The following ITSN1 variants were observed in gnomAD, a reference collection of about 807,000 sequenced individuals.
ITSN1 encodes intersectin-1.
A neutral mutation model predicts 239.8 loss-of-function variants in ITSN1; 58 were observed. That is an observed-to-expected ratio of 0.24 (90% CI 0.20 to 0.30). ITSN1 has a LOEUF of 0.30. Among genes scored for constraint, ITSN1 ranks in the 10% least tolerant of loss-of-function variants. The pLI is 1.00. For synonymous variants in ITSN1, 780 were observed against 770.8 expected, an observed-to-expected ratio of 1.01 and a Z score of -0.20; for missense variants, 1,558 against 2,103.3, an observed-to-expected ratio of 0.74 and a Z score of 5.07.
chr21:33,761,937 A>G lies in ITSN1; in HGVS notation c.739A>G (p.Thr247Ala), dbSNP rs562662000. Reference protein sequence around the residue: ...SGHLTGPQARTILMQSSLPQA... With the variant: ...SGHLTGPQARAILMQSSLPQA... ...TTCCTGTTTAGGTCCCCAAGCAAGA[A>G]CTATTCTTATGCAGTCAAGTTTACC... Residue 247 changes from threonine to alanine, a missense_variant, in exon 9 of 40, where the codon ACT becomes GCT. Physicochemically the swap from Thr to Ala is moderately conservative, Grantham distance 58. Around this residue, in one of 2 missense-constraint regions of ITSN1, gnomAD observed 982 missense variants for 1,209.9 expected, o/e 0.81. Transcript: ENST00000381318. 1.2e-6 allele frequency: 2 copies of G among 1,613,612 alleles called. No individual in the cohort carries two copies. Among genetic ancestry groups the G allele is most frequent in the Non-Finnish European group, 1.7e-6 (2 of 1,179,516 alleles).
intron 10 of ITSN1, 55 bp from the exon 11 acceptor site, chr21:33,767,658 A>G (rs933640829): frequency 1.3e-5 from 13 of 977,592 alleles, no homozygotes; most frequent in African/African-American, 8.2e-5. Context: ...AACTTGTCCA[A>G]CTCCACCCAG....
rs185541889 is a variant in ITSN1 at position 33,845,386 on chromosome 21, G to A, written c.3661+8754G>A. Among the ~76,000 whole-genome samples the A allele has an allele frequency of 5.5e-3, 834 of 152,158 alleles. 11 individuals are homozygous for A. Among genetic ancestry groups the A allele is most frequent in the Non-Finnish European group, 6.1e-3 (413 of 67,992 alleles). On this transcript the variant is annotated intron_variant, in intron 29 of 39. Transcript: ENST00000381318. ...AGAAGGATGACTGAGTCTTCGACCT[G>A]GTCTCTCTGCACCCACTCTCTCCTT...
At chr21:33,776,372 C>A in intron 14 of ITSN1, among the ~76,000 whole-genome samples, 1 of 141,010 alleles carries the variant, frequency 7.1e-6, no homozygotes, top group African/African-American at 2.7e-5. Context: ...GGAAACATAG[C>A]AAGACCCCAT....
intron 5 of ITSN1, among the ~76,000 whole-genome samples, chr21:33,737,438 A>G (rs1055002684): frequency 6.6e-6 from 1 of 152,132 alleles, no homozygotes; most frequent in East Asian, 1.9e-4. Flanking sequence ...CCAGTATATG[A>G]TCTTGATCAA....
intron 29 of ITSN1, among the ~76,000 whole-genome samples, chr21:33,844,309 G>T (rs1299026260): frequency 1.3e-5 from 2 of 152,212 alleles, no homozygotes; most frequent in African/African-American, 4.8e-5. Context: ...GTCGACGGTG[G>T]GGAGGCCACC....
At chr21:33,671,624 G>A (rs2090287637) in intron 1 of ITSN1, among the ~76,000 whole-genome samples, 1 of 151,850 alleles carries the variant, frequency 6.6e-6, no homozygotes, top group Non-Finnish European at 1.5e-5. Context: ...CCAACATGGT[G>A]AAACCCCATC....
intron 16 of ITSN1, among the ~76,000 whole-genome samples, chr21:33,792,829 G>A (rs1366326393): frequency 6.6e-6 from 1 of 152,074 alleles, no homozygotes; most frequent in South Asian, 2.1e-4. Context: ...CTGCCTGGAT[G>A]TTCCCAGTGT....
chr21:33,836,041 T>C (rs1310899286), intron 28 of ITSN1, among the ~76,000 whole-genome samples: 1 of 152,098 alleles, frequency 6.6e-6, no homozygotes, highest in Non-Finnish European at 1.5e-5. Context: ...AAAGGAAAAA[T>C]GATAGTAAAG....
chr21:33,717,835 G>C (rs1031536940), intron 1 of ITSN1, among the ~76,000 whole-genome samples: 1 of 152,144 alleles, frequency 6.6e-6, no homozygotes, highest in Admixed American at 6.5e-5. Context: ...CCAAAGTTCT[G>C]GGATTACAGG....
intron 31 of ITSN1, among the ~76,000 whole-genome samples, chr21:33,864,634 A>C (rs1981245391): frequency 6.6e-6 from 1 of 152,234 alleles, no homozygotes; most frequent in Non-Finnish European, 1.5e-5. Context: ...AATCACAGAG[A>C]TACTTCAAAC....
intron 16 of ITSN1, among the ~76,000 whole-genome samples, chr21:33,788,590 G>T (rs1370112599): frequency 6.6e-6 from 1 of 152,122 alleles, no homozygotes; most frequent in Non-Finnish European, 1.5e-5. Flanking sequence ...AATTGGCTGG[G>T]TGTGGTGGCA....
chr21:33,804,490 G>T (rs931019363), intron 20 of ITSN1, among the ~76,000 whole-genome samples: 2 of 152,274 alleles, frequency 1.3e-5, no homozygotes, highest in Non-Finnish European at 2.9e-5. Flanking sequence ...CACTAACTCT[G>T]CTAGGAATTT....
chr21:33,861,602 C>T (rs527303723), intron 31 of ITSN1, among the ~76,000 whole-genome samples: 131 of 152,196 alleles, frequency 8.6e-4, no homozygotes, highest in African/African-American at 3.1e-3. Flanking sequence ...AGGTCTAGAA[C>T]CTTTTTATAT....
At chr21:33,854,251 T>C (rs1284922270) in intron 29 of ITSN1, among the ~76,000 whole-genome samples, 1 of 152,234 alleles carries the variant, frequency 6.6e-6, no homozygotes, top group Non-Finnish European at 1.5e-5. Context: ...CAGTGGCCAC[T>C]ACGGGCCTGA....
intron 1 of ITSN1, among the ~76,000 whole-genome samples, chr21:33,687,220 G>A (rs1189747474): frequency 2.0e-5 from 3 of 149,798 alleles, no homozygotes; most frequent in Non-Finnish European, 3.0e-5. Flanking sequence ...GACAGAGCGA[G>A]ACTCTGTCTC....
At chr21:33,870,386 GA>G (rs1430712229) in intron 33 of ITSN1, among the ~76,000 whole-genome samples, 4 of 151,962 alleles carry the variant, frequency 2.6e-5, no homozygotes, top group East Asian at 1.9e-4. Context: ...TTAAAAGGGG[GA>G]AAAAAACTCA....
In ITSN1 at chr21:33,839,920, G is replaced by A. The variant is rs377107708; in HGVS notation, c.3661+3288G>A. On this transcript the variant is annotated intron_variant, in intron 29 of 39. Coordinates refer to ENST00000381318, the MANE Select transcript of ITSN1 (RefSeq NM_003024.3). ...TCCTCATCCTGCAGTGCACAGGACA[G>A]TCCCCCGCAACAAAGAATGATCTGG... Among the ~76,000 whole-genome samples the A allele has an allele frequency of 3.1e-4, 47 of 152,294 alleles. No homozygotes were observed. In the South Asian group the frequency reaches 4.6e-3, roughly 15 times the overall value.
At chr21:33,796,646 C>T (rs2071585145) in intron 17 of ITSN1, among the ~76,000 whole-genome samples, 1 of 152,224 alleles carries the variant, frequency 6.6e-6, no homozygotes, top group Admixed American at 6.5e-5. Flanking sequence ...TTTAATATCT[C>T]TGCCCCAGCT....
chr21:33,760,668 G>C (rs2068249815), intron 8 of ITSN1, among the ~76,000 whole-genome samples: 1 of 152,140 alleles, frequency 6.6e-6, no homozygotes. Context: ...ACAGCTCCTT[G>C]GTTCCCTGAC....
Sources: gnomAD v4.1 joint callset for allele counts (sites outside exome capture counted in the v4.1 genomes callset) on GRCh38, gnomAD v4.1.1 for gene constraint, gnomAD v4.1.1 regional missense constraint, MANE v1.5 for transcripts, NCBI Gene and HGNC (gene_info 2026-07-23, HGNC 2026-07-21) for gene names.